DNAH9: variants seen among roughly 807,000 people sequenced by gnomAD.
DNAH9 encodes the protein dynein axonemal heavy chain 9.
A neutral mutation model predicts 471.6 loss-of-function variants in DNAH9; 345 were observed. The observed-to-expected ratio is 0.73, with a 90% CI of 0.67 to 0.80. The LOEUF (loss-of-function observed/expected upper bound fraction) is 0.80. DNAH9 is among the 30% of genes least tolerant of loss of function. The pLI, the probability that DNAH9 is intolerant of heterozygous loss-of-function variation, is 0.00. For missense variants in DNAH9, 5,407 were observed against 5,609.2 expected (o/e 0.96, Z 1.15); for synonymous variants, 2,093 against 2,123.6 (o/e 0.99, Z 0.40).
chr17:11,654,817 G>A (rs1024870424), intron 14 of DNAH9, among the ~76,000 whole-genome samples: 2 of 151,806 alleles, frequency 1.3e-5, no homozygotes, highest in Admixed American at 6.6e-5. Flanking sequence ...GAAAACGAAG[G>A]CACAGACAGG....
chr17:11,656,543 TAACTC>T (rs1244153161), intron 14 of DNAH9, among the ~76,000 whole-genome samples: 1 of 152,200 alleles, frequency 6.6e-6, no homozygotes, highest in Non-Finnish European at 1.5e-5. Context: ...AGGATTTGAC[TAACTC>T]ATCCCACTGT....
At chr17:11,716,810 A>G (rs1278650472) in intron 26 of DNAH9, among the ~76,000 whole-genome samples, 2 of 152,174 alleles carry the variant, frequency 1.3e-5, no homozygotes, top group African/African-American at 2.4e-5. Flanking sequence ...AGAGGGAAGG[A>G]AGGTGATGAG....
At position 11,654,355 on chromosome 17, in the gene DNAH9, C is replaced by CAAAAAAAA. The variant is rs527835262; in HGVS notation, c.2595+1369_2595+1376dup. The stretch of plus-strand genomic sequence containing the variant: ...TGGGCCACAGAGCGAGACTCCGTCT[C>CAAAAAAAA]AAAAAAAAAAAAAAAAAAAAAAAGT... On this transcript the variant is annotated intron_variant, in intron 14 of 68. Coordinates refer to ENST00000262442, the MANE Select transcript of DNAH9 (RefSeq NM_001372.4). Among the ~76,000 whole-genome samples the CAAAAAAAA allele has an allele frequency of 9.8e-4, 11 of 11,262 alleles. 2 individuals carry two copies. Among genetic ancestry groups the CAAAAAAAA allele is most frequent in the Admixed American group, 1.8e-3 (1 of 570 alleles). The allele number at this position is 11,262 out of a possible 152,430, so 7.4% of individuals were successfully genotyped here.
chr17:11,722,582 GTC>G (rs1269368273), intron 27 of DNAH9, among the ~76,000 whole-genome samples: 3 of 152,202 alleles, frequency 2.0e-5, no homozygotes, highest in Non-Finnish European at 4.4e-5. Flanking sequence ...GAAGAGGAGA[GTC>G]TAGGCTGTGG....
Position 11,905,559 on chromosome 17 carries a change from C to T in DNAH9, c.11601-102C>T, listed in dbSNP as rs1973567088. The T allele has an allele frequency of 1.5e-5, 20 of 1,304,200 alleles. No homozygotes were observed. The South Asian group carries it at 2.9e-4, about 19-fold the overall frequency. The allele number at this position is 1,304,200 out of a possible 1,614,324, so 80.8% of individuals were successfully genotyped here. On this transcript the variant is annotated intron_variant, in intron 60 of 68. Transcript: ENST00000262442. ...GCTCTATAACTACCTAGCCCATGAC[C>T]TTGAGCATGTTCTTTCATTTCTATA...
intron 32 of DNAH9, among the ~76,000 whole-genome samples, chr17:11,750,092 G>A (rs577412019): frequency 1.3e-5 from 2 of 152,174 alleles, no homozygotes; most frequent in South Asian, 4.2e-4. Context: ...ACAAGTCTGT[G>A]TTCACTGAAC....
chr17:11,673,045 C>T (rs1332313978), intron 17 of DNAH9, among the ~76,000 whole-genome samples: 3 of 152,046 alleles, frequency 2.0e-5, no homozygotes, highest in Non-Finnish European at 4.4e-5. Context: ...AAACTCAGTG[C>T]TCCACACCTG....
chr17:11,878,026 GC>G (rs1389834667), intron 53 of DNAH9, among the ~76,000 whole-genome samples: 2 of 152,056 alleles, frequency 1.3e-5, no homozygotes, highest in African/African-American at 4.8e-5. Context: ...GAACCACCGC[GC>G]CCGGCCAATA....
chr17:11,680,933 G>A (rs1407990735), intron 19 of DNAH9, 44 bp downstream of exon 19: 1 of 1,531,782 alleles, frequency 6.5e-7, no homozygotes, highest in Non-Finnish European at 8.9e-7. Context: ...GAACACTGCA[G>A]TCTTTGAGTC....
At chr17:11,656,751 C>T (rs2073658666) in intron 14 of DNAH9, among the ~76,000 whole-genome samples, 1 of 152,130 alleles carries the variant, frequency 6.6e-6, no homozygotes, top group Admixed American at 6.5e-5. Context: ...CCAGTCAATA[C>T]ATCCCCATTC....
intron 45 of DNAH9, 91 bp from the exon 46 acceptor site, chr17:11,821,829 C>T: frequency 4.1e-6 from 6 of 1,446,220 alleles, no homozygotes; most frequent in Non-Finnish European, 5.6e-6. Flanking sequence ...AAACCACTGA[C>T]CTGTGTCCTA....
intron 12 of DNAH9, among the ~76,000 whole-genome samples, chr17:11,648,341 G>A (rs1024312364): frequency 3.3e-5 from 5 of 152,160 alleles, no homozygotes; most frequent in Non-Finnish European, 5.9e-5. Context: ...TTGGCAAGAC[G>A]TGAGTCTGTT....
At chr17:11,784,955 A>T (rs1344709784) in intron 41 of DNAH9, among the ~76,000 whole-genome samples, 2 of 152,134 alleles carry the variant, frequency 1.3e-5, no homozygotes, top group Non-Finnish European at 2.9e-5. Context: ...ACTGTGCAAG[A>T]TAGCTCTGCT....
chr17:11,610,838 T>C (rs1037712846), intron 3 of DNAH9, among the ~76,000 whole-genome samples: 1 of 152,228 alleles, frequency 6.6e-6, no homozygotes, highest in African/African-American at 2.4e-5. Context: ...TATGTAAAAT[T>C]AATCAACTCT....
intron 45 of DNAH9, among the ~76,000 whole-genome samples, chr17:11,812,092 A>G (rs1386043805): frequency 1.9e-4 from 27 of 142,740 alleles, no homozygotes; most frequent in Middle Eastern, 7.4e-3. Context: ...AATATAAGAC[A>G]ATATAATGCA....
intron 43 of DNAH9, among the ~76,000 whole-genome samples, chr17:11,804,142 C>T (rs1969571078): frequency 6.6e-6 from 1 of 152,108 alleles, no homozygotes; most frequent in African/African-American, 2.4e-5. Context: ...ATTACAGTTT[C>T]ATAGGAAAGC....
chr17:11,776,763 C>A (rs1341690091), intron 38 of DNAH9, among the ~76,000 whole-genome samples: 1 of 152,158 alleles, frequency 6.6e-6, no homozygotes, highest in Non-Finnish European at 1.5e-5. Context: ...CTGTGATAGT[C>A]AATATAATAG....
At chr17:11,627,175 G>C (rs1404516228) in intron 6 of DNAH9, among the ~76,000 whole-genome samples, 1 of 152,152 alleles carries the variant, frequency 6.6e-6, no homozygotes. Flanking sequence ...CACCATGTGT[G>C]TGTTGTTACA....
chr17:11,853,772 GT>G (rs773573548), intron 49 of DNAH9, among the ~76,000 whole-genome samples: 9 of 152,352 alleles, frequency 5.9e-5, no homozygotes, highest in Admixed American at 1.3e-4. Flanking sequence ...GTCAGTTAAA[GT>G]GCTGAAAGAA....
Sources: gnomAD v4.1 joint callset for allele counts (sites outside exome capture counted in the v4.1 genomes callset) on GRCh38, gnomAD v4.1.1 for gene constraint, MANE v1.5 for transcripts, NCBI Gene and HGNC (gene_info 2026-07-23, HGNC 2026-07-21) for gene names.